Variants in GRB14 observed in about 807,000 individuals in gnomAD.
GRB14 encodes the protein growth factor receptor-bound protein 14.
A neutral mutation model predicts 69.1 loss-of-function variants in GRB14; 38 were observed. The observed-to-expected ratio is 0.55, with a 90% CI of 0.42 to 0.72. GRB14 has a LOEUF of 0.72. GRB14 is among the 30% of genes least tolerant of loss of function. GRB14 has a pLI of 0.00. For synonymous variants in GRB14, 247 were observed against 241.3 expected, an observed-to-expected ratio of 1.02 and a Z score of -0.22; for missense variants, 666 against 666.1, an observed-to-expected ratio of 1.00 and a Z score of 0.00.
At chr2:164,528,811 C>T (rs1687848533) in intron 3 of GRB14, among the ~76,000 whole-genome samples, 2 of 152,148 alleles carry the variant, frequency 1.3e-5, no homozygotes, top group Admixed American at 1.3e-4. Flanking sequence ...GTCCTAACTA[C>T]TATACTGTGC....
intron 2 of GRB14, among the ~76,000 whole-genome samples, chr2:164,567,195 A>G (rs1165443357): frequency 6.6e-6 from 1 of 152,186 alleles, no homozygotes; most frequent in Non-Finnish European, 1.5e-5. Context: ...AATTAGCAAA[A>G]GGCCTCAAGA....
chr2:164,603,195 A>G (rs1689962239), intron 2 of GRB14, among the ~76,000 whole-genome samples: 1 of 152,130 alleles, frequency 6.6e-6, no homozygotes. Flanking sequence ...CCACCTATGA[A>G]AAGGGGAACT....
chr2:164,510,065 G>A (rs1687301080), intron 6 of GRB14, among the ~76,000 whole-genome samples: 1 of 152,166 alleles, frequency 6.6e-6, no homozygotes, highest in African/African-American at 2.4e-5. Context: ...AAAAAGGTAG[G>A]AGGAAAGAGA....
chr2:164,599,023 T>C (rs955558762), intron 2 of GRB14, among the ~76,000 whole-genome samples: 4 of 152,202 alleles, frequency 2.6e-5, no homozygotes, highest in Non-Finnish European at 5.9e-5. Flanking sequence ...ATGGTGTCAG[T>C]GAAGGTCACT....
At chr2:164,596,594 G>A (rs895311055) in intron 2 of GRB14, among the ~76,000 whole-genome samples, 4 of 152,158 alleles carry the variant, frequency 2.6e-5, no homozygotes, top group African/African-American at 7.2e-5. Flanking sequence ...TTGATGACTT[G>A]AGGAATTACT....
At chr2:164,585,445 G>C (rs1458804175) in intron 2 of GRB14, among the ~76,000 whole-genome samples, 1 of 152,016 alleles carries the variant, frequency 6.6e-6, no homozygotes, top group African/African-American at 2.4e-5. Context: ...ACTTCTGACA[G>C]GAAATAGACT....
At chr2:164,513,918 A>G (rs556844586) in intron 6 of GRB14, among the ~76,000 whole-genome samples, 24 of 152,376 alleles carry the variant, frequency 1.6e-4, no homozygotes, top group African/African-American at 5.8e-4. Context: ...AAATGTCAAC[A>G]CTTGTATGCC....
Position 164,504,844 on chromosome 2 carries a change from C to T in GRB14, c.1024-2509G>A, listed in dbSNP as rs1299541683. Among the ~76,000 whole-genome samples the T allele has an allele frequency of 3.9e-5, 6 of 152,186 alleles. No individual in the cohort carries two copies. The South Asian group carries it at 1.2e-3, about 32-fold the overall frequency. On this transcript the variant is annotated intron_variant, in intron 8 of 13. Transcript: ENST00000263915. Reference sequence around the variant, plus strand: ...ATGGTCCTGGATTATCCATGTGGGCCCACTGTAATCACAAGGGGCCTTAAT... The same window carrying T: ...ATGGTCCTGGATTATCCATGTGGGCTCACTGTAATCACAAGGGGCCTTAAT...
intron 3 of GRB14, among the ~76,000 whole-genome samples, chr2:164,538,409 A>G (rs1445935840): frequency 1.3e-5 from 2 of 152,212 alleles, no homozygotes; most frequent in East Asian, 1.9e-4. Context: ...TACATTGATT[A>G]TAACAGCACA....
At position 164,492,457 on chromosome 2, in the gene GRB14, C is replaced by T. The variant is rs1686782390; in HGVS notation, c.*579G>A. On this transcript the variant is annotated 3_prime_UTR_variant, in exon 14 of 14. Coordinates refer to ENST00000263915, the MANE Select transcript of GRB14 (RefSeq NM_004490.3). ...ACTATTTAATAATATTTTTAAATTA[C>T]CTGGAAAAAATCAACATATTTCAAA... 1.3e-5 allele frequency among the ~76,000 whole-genome samples: 2 copies of T among 151,518 alleles called. No homozygotes were observed. Among genetic ancestry groups the T allele is most frequent in the Non-Finnish European group, 2.9e-5 (2 of 67,838 alleles).
chr2:164,620,518 G>GAAAAAA (rs35214416), intron 1 of GRB14, among the ~76,000 whole-genome samples: 2 of 151,012 alleles, frequency 1.3e-5, no homozygotes. Context: ...TGAAAATCAG[G>GAAAAAA]AAAAAAAAAG....
Position 164,552,035 on chromosome 2 carries a change from G to A in GRB14, c.325-4219C>T, listed in dbSNP as rs79809479. Among the ~76,000 whole-genome samples, 431 of 152,270 alleles carry A rather than the reference G, an allele frequency of 2.8e-3. 2 individuals carry two copies. Among genetic ancestry groups the A allele is most frequent in the African/African-American group, 0.01 (421 of 41,558 alleles). On this transcript the variant is annotated intron_variant, in intron 2 of 13. Transcript: ENST00000263915. The stretch of plus-strand genomic sequence containing the variant: ...TGGCAAGAGAGAAAGCAAGAGGGAG[G>A]GGAGGGCGGTGTAAGATGCTTTTTA...
At chr2:164,578,495 A>G (rs1239303588) in intron 2 of GRB14, among the ~76,000 whole-genome samples, 1 of 150,676 alleles carries the variant, frequency 6.6e-6, no homozygotes, top group African/African-American at 2.4e-5. Flanking sequence ...AATGAACAAA[A>G]AAAAGGAACG....
chr2:164,556,712 C>A (rs911861987), intron 2 of GRB14, among the ~76,000 whole-genome samples: 3 of 152,262 alleles, frequency 2.0e-5, no homozygotes, highest in African/African-American at 7.2e-5. Context: ...AAAGACCCTC[C>A]AGCTTAGGTC....
At chr2:164,580,004 CT>C (rs1689355863) in intron 2 of GRB14, among the ~76,000 whole-genome samples, 1 of 152,100 alleles carries the variant, frequency 6.6e-6, no homozygotes, top group Non-Finnish European at 1.5e-5. Flanking sequence ...GTGCCATGAG[CT>C]CTGACTACAC....
At chr2:164,509,208 C>G (rs1192412129) in intron 6 of GRB14, among the ~76,000 whole-genome samples, 1 of 152,170 alleles carries the variant, frequency 6.6e-6, no homozygotes, top group Non-Finnish European at 1.5e-5. Context: ...ATCCAGCTTT[C>G]AAATAATGGT....
intron 2 of GRB14, among the ~76,000 whole-genome samples, chr2:164,563,861 C>T (rs2105324552): frequency 6.6e-6 from 1 of 152,184 alleles, no homozygotes; most frequent in Middle Eastern, 3.4e-3. Context: ...CAAAAGACAA[C>T]TTTTGGAAAC....
chr2:164,584,193 C>T (rs1689482418), intron 2 of GRB14, among the ~76,000 whole-genome samples: 1 of 103,292 alleles, frequency 9.7e-6, no homozygotes, highest in Admixed American at 1.5e-4. Flanking sequence ...TTAGTAGAGA[C>T]AGGGTTTCAC....
intron 2 of GRB14, among the ~76,000 whole-genome samples, chr2:164,597,616 T>C (rs1489331541): frequency 2.7e-5 from 4 of 149,270 alleles, no homozygotes; most frequent in African/African-American, 7.4e-5. Context: ...TTAAGAAAAA[T>C]AAGACAATGG....
Sources: gnomAD v4.1 joint callset for allele counts (sites outside exome capture counted in the v4.1 genomes callset) on GRCh38, gnomAD v4.1.1 for gene constraint, MANE v1.5 for transcripts, NCBI Gene and HGNC (gene_info 2026-07-23, HGNC 2026-07-21) for gene names.